Variants in ADAMTS20 observed in about 807,000 individuals in gnomAD.
ADAMTS20 encodes the protein A disintegrin and metalloproteinase with thrombospondin motifs 20.
A neutral mutation model predicts 260.1 loss-of-function variants in ADAMTS20; 225 were observed. The observed-to-expected ratio is 0.87, with a 90% CI of 0.78 to 0.97. The LOEUF (loss-of-function observed/expected upper bound fraction) is 0.97, where lower values mean the gene tolerates loss of function less well. ADAMTS20 is among the 50% of genes least tolerant of loss of function. ADAMTS20 has a pLI of 0.00. For synonymous variants in ADAMTS20, 802 were observed against 769.5 expected (o/e 1.04, Z -0.70); for missense variants, 2,400 against 2,337.7 (o/e 1.03, Z -0.55).
At chr12:43,373,351 T>C (rs1940146456) in intron 36 of ADAMTS20, among the ~76,000 whole-genome samples, 1 of 152,218 alleles carries the variant, frequency 6.6e-6, no homozygotes, top group South Asian at 2.1e-4. Flanking sequence ...AATAACATAC[T>C]TATAACCATA....
At chr12:43,443,975 A>G in intron 15 of ADAMTS20, 92 bp from the exon 16 acceptor site, 5 of 936,874 alleles carry the variant, frequency 5.3e-6, no homozygotes, top group Non-Finnish European at 8.4e-6. Context: ...CGAATAGCAT[A>G]GTCAGACTTA....
At chr12:43,420,289 C>T (rs1419000207) in intron 28 of ADAMTS20, among the ~76,000 whole-genome samples, 3 of 152,012 alleles carry the variant, frequency 2.0e-5, no homozygotes, top group East Asian at 1.9e-4. Context: ...TTTTTAGTGA[C>T]CATTACGATG....
At chr12:43,540,680 T>C (rs1444078984) in intron 2 of ADAMTS20, among the ~76,000 whole-genome samples, 1 of 152,186 alleles carries the variant, frequency 6.6e-6, no homozygotes, top group Non-Finnish European at 1.5e-5. Flanking sequence ...ACTTAGATCA[T>C]GCCATATTTT....
In ADAMTS20 at chr12:43,453,413, A is replaced by T. The variant is rs189760983; in HGVS notation, c.1760+494T>A. ...CCTTTTAAATAGTTTGATGAGGGGGAGATATGCTTTAGTACTTATTCAGCT... is the reference window on the plus strand; with the variant it reads ...CCTTTTAAATAGTTTGATGAGGGGGTGATATGCTTTAGTACTTATTCAGCT... On this transcript the variant is annotated intron_variant, in intron 12 of 38. Coordinates refer to ENST00000389420, the MANE Select transcript of ADAMTS20 (RefSeq NM_025003.5). Among the ~76,000 whole-genome samples the T allele has an allele frequency of 1.9e-3, 283 of 152,232 alleles. 2 individuals are homozygous for T. Among genetic ancestry groups the T allele is most frequent in the Non-Finnish European group, 6.3e-4 (43 of 67,998 alleles).
chr12:43,548,005 C>T (rs1316264651), intron 2 of ADAMTS20, among the ~76,000 whole-genome samples: 6 of 152,178 alleles, frequency 3.9e-5, no homozygotes, highest in Admixed American at 1.3e-4. Flanking sequence ...CCTCATAACA[C>T]GTTATAACCC....
chr12:43,505,420 A>T (rs1942827720), intron 3 of ADAMTS20, among the ~76,000 whole-genome samples: 1 of 152,220 alleles, frequency 6.6e-6, no homozygotes. Flanking sequence ...AATATAAAAA[A>T]ATTCCTGCAA....
At position 43,502,090 on chromosome 12, in the gene ADAMTS20, T is replaced by A. The variant is rs1942774810; in HGVS notation, c.867+62A>T. The A allele has an allele frequency of 1.0e-5, 15 of 1,434,164 alleles. No individual in the cohort carries two copies. In the Admixed American group the frequency reaches 3.1e-4, roughly 30 times the overall value. The allele number at this position is 1,434,164 out of a possible 1,614,324, so 88.8% of individuals were successfully genotyped here. A position where few individuals can be genotyped will look rare whatever the true frequency, so the allele number is the denominator to read the frequency against. ...TTTGGAAAAAAAATTTAATTCGACATGAAAAAATTTCATTAAGCTAAACAT... is the reference window on the plus strand; with the variant it reads ...TTTGGAAAAAAAATTTAATTCGACAAGAAAAAATTTCATTAAGCTAAACAT... On this transcript the variant is annotated intron_variant, in intron 4 of 38. Coordinates refer to ENST00000389420, the MANE Select transcript of ADAMTS20 (RefSeq NM_025003.5).
chr12:43,547,978 C>T (rs1232830521), intron 2 of ADAMTS20, among the ~76,000 whole-genome samples: 1 of 152,162 alleles, frequency 6.6e-6, no homozygotes, highest in African/African-American at 2.4e-5. Flanking sequence ...TCACCCCTCT[C>T]CCAAACAATA....
intron 4 of ADAMTS20, among the ~76,000 whole-genome samples, chr12:43,499,089 A>C (rs1942718352): frequency 1.3e-5 from 2 of 152,168 alleles, no homozygotes; most frequent in Non-Finnish European, 1.5e-5. Flanking sequence ...AGGAAGAAAG[A>C]AAGCATATAC....
At chr12:43,540,985 C>T (rs565218042) in intron 2 of ADAMTS20, among the ~76,000 whole-genome samples, 45 of 152,156 alleles carry the variant, frequency 3.0e-4, no homozygotes, top group African/African-American at 9.9e-4. Flanking sequence ...GGCATTCATC[C>T]ATATATTTTT....
At chr12:43,460,982 ATATATATTT>A (rs1202850021) in intron 11 of ADAMTS20, among the ~76,000 whole-genome samples, 6 of 42,638 alleles carry the variant, frequency 1.4e-4, no homozygotes, top group Non-Finnish European at 9.2e-5. Flanking sequence ...ATATATATAT[ATATATATTT>A]TTTTTTTTTT....
Position 43,376,556 on chromosome 12 carries a change from G to A in ADAMTS20, c.5093C>T (p.Pro1698Leu). 6.2e-7 allele frequency: 1 copy of A among 1,613,140 alleles called. No individual in the cohort carries two copies. The highest frequency in any genetic ancestry group is 8.5e-7 in the Non-Finnish European group (1 of 1,179,636). Residue 1698 changes from proline (P) to leucine (L), a missense_variant, in exon 33 of 39, where the codon CCA (proline) becomes CTA (leucine). Pro to Leu is a moderately conservative substitution (Grantham distance 98). Coordinates refer to ENST00000389420, the MANE Select transcript of ADAMTS20 (RefSeq NM_025003.5). Reference protein sequence around the residue: ...SSDLCLNHLKPGAQKKCYAND... With the variant: ...SSDLCLNHLKLGAQKKCYAND... Reference sequence around the variant, plus strand: ...GGCATAACATTTCTTTTGAGCACCTGGTTTTAAATGGTTTAAACATAAGTC... The same window carrying A: ...GGCATAACATTTCTTTTGAGCACCTAGTTTTAAATGGTTTAAACATAAGTC...
chr12:43,536,985 A>G (rs1056745477), intron 2 of ADAMTS20, among the ~76,000 whole-genome samples: 4 of 152,212 alleles, frequency 2.6e-5, no homozygotes, highest in Non-Finnish European at 4.4e-5. Context: ...TTTCTTAATC[A>G]CAAATATCTT....
chr12:43,420,543 T>C (rs1210439273), intron 28 of ADAMTS20, among the ~76,000 whole-genome samples: 3 of 152,132 alleles, frequency 2.0e-5, no homozygotes, highest in Non-Finnish European at 4.4e-5. Flanking sequence ...AAAGTCAACA[T>C]AAAGAAGTGG....
At chr12:43,375,188 A>AG (rs1384337306) in intron 36 of ADAMTS20, among the ~76,000 whole-genome samples, 191 bp downstream of exon 36, 1 of 151,454 alleles carries the variant, frequency 6.6e-6, no homozygotes, top group Non-Finnish European at 1.5e-5. Context: ...AAAAAAAAAA[A>AG]AAAAAAAAGC....
Position 43,502,276 on chromosome 12 carries a change from TG to T in ADAMTS20, c.742del (p.His248IlefsTer37). On this transcript the variant is annotated frameshift_variant, in exon 4 of 39. Transcript: ENST00000389420. LOFTEE classifies it high-confidence loss of function. ...TGATATAAGACGTTTTTTCCTGGAA[TG>T]TCTTCTTTCATCTTTCAATGGTACA... ...KNVPLKDERR[H>X]SRKKRLISYP... 1 of 1,612,410 alleles carries T rather than the reference TG, an allele frequency of 6.2e-7. No homozygotes were observed. The highest frequency in any genetic ancestry group is 1.1e-5 in the South Asian group (1 of 90,890).
intron 28 of ADAMTS20, among the ~76,000 whole-genome samples, chr12:43,405,227 T>TAAAAAAAAAAAAAAAAAA (rs1565683116): frequency 8.7e-5 from 1 of 11,542 alleles, no homozygotes; most frequent in African/African-American, 2.4e-4. Context: ...ACCTCATCTC[T>TAAAAAAAAAAAAAAAAAA]ACAAAAAAAA....
intron 36 of ADAMTS20, among the ~76,000 whole-genome samples, chr12:43,372,673 T>G (rs1042460673): frequency 5.9e-5 from 9 of 152,146 alleles, no homozygotes; most frequent in African/African-American, 2.2e-4. Flanking sequence ...GTGAGAGAGA[T>G]TAGGAAATAT....
intron 3 of ADAMTS20, among the ~76,000 whole-genome samples, chr12:43,519,268 C>A (rs1010289734): frequency 2.6e-5 from 4 of 152,166 alleles, no homozygotes; most frequent in African/African-American, 7.2e-5. Flanking sequence ...AAGAGCACTG[C>A]AACTGTTTAA....
Sources: gnomAD v4.1 joint callset for allele counts (sites outside exome capture counted in the v4.1 genomes callset) on GRCh38, gnomAD v4.1.1 for gene constraint, MANE v1.5 for transcripts, NCBI Gene and HGNC (gene_info 2026-07-23, HGNC 2026-07-21) for gene names.